LRRC15: variants seen among roughly 807,000 people sequenced by gnomAD.
LRRC15 encodes the protein leucine-rich repeat-containing protein 15.
A neutral mutation model predicts 4.3 loss-of-function variants in LRRC15; 5 were observed. The ratio of observed to expected loss-of-function variants is 1.16; its 90% confidence interval spans 0.61 to 2.44. LRRC15 has a LOEUF of 2.44. Among genes scored for constraint, LRRC15 ranks in the 30% most tolerant of loss-of-function variants. The pLI is 0.01. For synonymous variants in LRRC15, 337 were observed against 323.2 expected (o/e 1.04, Z -0.46); for missense variants, 769 against 747.0 (o/e 1.03, Z -0.34).
chr3:194,362,263 C>G (rs1401910981), intron 1 of LRRC15, among the ~76,000 whole-genome samples: 2 of 152,076 alleles, frequency 1.3e-5, no homozygotes, highest in East Asian at 1.9e-4. Flanking sequence ...CTTCAGCTCC[C>G]TCGTGTGTGA....
intron 1 of LRRC15, among the ~76,000 whole-genome samples, chr3:194,364,628 G>A (rs894863538): frequency 6.6e-6 from 1 of 152,194 alleles, no homozygotes; most frequent in African/African-American, 2.4e-5. Context: ...GGAAGGGCTT[G>A]TGCCAGGGAA....
At position 194,359,869 on chromosome 3, in the gene LRRC15, A is replaced by C. The variant is rs540133375; in HGVS notation, c.1175T>G (p.Met392Arg). The change falls in exon 2 of 2, where the codon ATG (methionine) becomes AGG (arginine). Residue 392 changes from methionine (M) to arginine (R), a missense_variant. Met to Arg is a moderately conservative substitution (Grantham distance 91, BLOSUM62 -1). Coordinates refer to ENST00000347624, the MANE Select transcript of LRRC15 (RefSeq NM_130830.5). ...GNIFANVNGL[M>R]AIQLQNNQLE... is the part of the protein sequence containing the mutation. ...CTGGTTGTTCTGCAGCTGGATGGCC[A>C]TGAGGCCATTGACGTTGGCGAAGAT... is the stretch of plus-strand genomic sequence containing the variant. The C allele has an allele frequency of 1.5e-5, 24 of 1,614,146 alleles. No individual in the cohort carries two copies. In the East Asian group the frequency reaches 4.9e-4, roughly 33 times the overall value.
Position 194,360,521 on chromosome 3 carries a change from G to A in LRRC15, c.523C>T (p.Leu175Phe). The change falls in exon 2 of 2, where the codon CTC becomes TTC. Residue 175 changes from leucine (L) to phenylalanine (F), a missense_variant. Leu to Phe is a conservative substitution (Grantham distance 22, BLOSUM62 0). Transcript: ENST00000347624. ...TTCTTGCCCAGATTGAGCTTCGTGA[G>A]TCCTACCAGGTGGTCGAAGGCTCCG... ...PDGAFDHLVG[L>F]TKLNLGKNSL... The A allele has an allele frequency of 6.2e-7, 1 of 1,614,188 alleles. No homozygotes were observed. Among genetic ancestry groups the A allele is most frequent in the East Asian group, 2.2e-5 (1 of 44,876 alleles).
rs752131232 is a variant in LRRC15 at position 194,359,938 on chromosome 3, T to C, written c.1106A>G (p.Asn369Ser). The change falls in exon 2 of 2, where the codon AAC (asparagine) becomes AGC (serine). Residue 369 changes from asparagine to serine, a missense_variant. By Grantham distance (46) the Asn-to-Ser change is conservative (BLOSUM62 1). Coordinates refer to ENST00000347624, the MANE Select transcript of LRRC15 (RefSeq NM_130830.5). The part of the protein sequence containing the change: ...NVFRMLANLQ[N>S]ISLQNNRLRQ... Reference sequence around the variant, plus strand: ...GAGGCGGTTGTTCTGCAGGGAGATGTTCTGCAGGTTGGCCAACATGCGGAA... The same window carrying C: ...GAGGCGGTTGTTCTGCAGGGAGATGCTCTGCAGGTTGGCCAACATGCGGAA... The C allele has an allele frequency of 1.3e-5, 21 of 1,614,082 alleles. No individual in the cohort carries two copies. Among genetic ancestry groups the C allele is most frequent in the Non-Finnish European group, 1.8e-5 (21 of 1,180,052 alleles).
In LRRC15 at chr3:194,360,053, A is replaced by C. The variant is rs749564699; in HGVS notation, c.991T>G (p.Phe331Val). The change falls in exon 2 of 2, where the codon TTC (phenylalanine) becomes GTC (valine). Residue 331 changes from phenylalanine to valine, a missense_variant. Coordinates refer to ENST00000347624, the MANE Select transcript of LRRC15 (RefSeq NM_130830.5). ...CCGTTGAAGGCACCCGGGGAGATGA[A>C]GCTGATCTGATTGCGGCTAAGAATC... ...VLILSRNQIS[F>V]ISPGAFNGLT... The C allele has an allele frequency of 6.2e-7, 1 of 1,614,230 alleles. No homozygotes were observed. The highest frequency in any genetic ancestry group is 8.5e-7 in the Non-Finnish European group (1 of 1,180,042).
intron 1 of LRRC15, among the ~76,000 whole-genome samples, chr3:194,365,420 C>T (rs544122296): frequency 9.8e-5 from 15 of 152,310 alleles, no homozygotes; most frequent in Admixed American, 9.1e-4. Context: ...TTAATACCAT[C>T]GTTCACATTC....
chr3:194,359,750 G>A lies in LRRC15; in HGVS notation c.1294C>T (p.Leu432Phe). 1 of 1,614,200 alleles carries A rather than the reference G, an allele frequency of 6.2e-7. No individual in the cohort carries two copies. The highest frequency in any genetic ancestry group is 1.3e-5 in the African/African-American group (1 of 75,060). ...DNPWRCDSDI[L>F]PLRNWLLLNQ... ...AGCAGGAGCCAGTTGCGGAGCGGAA[G>A]GATGTCTGAGTCACACCTCCAGGGA... is the stretch of plus-strand genomic sequence containing the variant. The change falls in exon 2 of 2, where the codon CTT (leucine) becomes TTT (phenylalanine). Residue 432 changes from leucine to phenylalanine, a missense_variant. Leu to Phe is a conservative substitution (Grantham distance 22, BLOSUM62 0). Coordinates refer to ENST00000347624, the MANE Select transcript of LRRC15 (RefSeq NM_130830.5).
In LRRC15 at chr3:194,365,806, G is replaced by A. The variant is rs191186673; in HGVS notation, c.-4+3855C>T. 9.8e-3 allele frequency among the ~76,000 whole-genome samples: 1,495 copies of A among 152,264 alleles called. 52 individuals carry two copies. Among genetic ancestry groups the A allele is most frequent in the Admixed American group, 0.065 (996 of 15,304 alleles). ...CCTGCCTCCAAGTTTCCCAGCCAGG[G>A]CAATCCCACTTAGTAATCAGCATGT... On this transcript the variant is annotated intron_variant, in intron 1 of 1. Coordinates refer to ENST00000347624, the MANE Select transcript of LRRC15 (RefSeq NM_130830.5).
At position 194,358,247 on chromosome 3, in the gene LRRC15, G is replaced by A. The variant is rs1233926181; in HGVS notation, c.*1051C>T. ...CCTCTGGGAAAAGCCCAGGATGGGG[G>A]ATATTTGTGATGCTCTGGGTCTGGG... On this transcript the variant is annotated 3_prime_UTR_variant, in exon 2 of 2. Coordinates refer to ENST00000347624, the MANE Select transcript of LRRC15 (RefSeq NM_130830.5). The A allele has an allele frequency of 6.6e-6, 1 of 152,264 alleles. No homozygotes were observed. Among genetic ancestry groups the A allele is most frequent in the Non-Finnish European group, 1.5e-5 (1 of 68,072 alleles). 9.4% of individuals were successfully genotyped at this position (152,264 alleles called of 1,614,324 possible).
rs1024664827 is a variant in LRRC15 at position 194,357,369 on chromosome 3, G to A, written c.*1929C>T. 3.3e-5 allele frequency: 5 copies of A among 152,076 alleles called. No homozygotes were observed. Among genetic ancestry groups the A allele is most frequent in the East Asian group, 1.9e-4 (1 of 5,194 alleles). The allele number at this position is 152,076 out of a possible 1,614,324, so 9.4% of individuals were successfully genotyped here. A position where few individuals can be genotyped will look rare whatever the true frequency, so the allele number is the denominator to read the frequency against. ...CCAAAGCACAGGTGTCTTGTGGAGC[G>A]GGGAGCTAATAAGAGCCGATCGGGA... On this transcript the variant is annotated 3_prime_UTR_variant, in exon 2 of 2. Coordinates refer to ENST00000347624, the MANE Select transcript of LRRC15 (RefSeq NM_130830.5).
rs753763721 is a variant in LRRC15, at chr3:194,360,747, G to A, written c.297C>T (p.Asn99=). ...LSRITPGAFR[N]LGSLRYLSLA... is the part of the protein sequence containing the mutation. ...GGCTGAGATAGCGCAGCGAGCCCAG[G>A]TTTCGGAAGGCCCCAGGCGTGATGC... Residue 99 remains asparagine (N), a synonymous_variant, in exon 2 of 2, where the codon AAC becomes AAT. Coordinates refer to ENST00000347624, the MANE Select transcript of LRRC15 (RefSeq NM_130830.5). 1.9e-6 allele frequency: 3 copies of A among 1,614,106 alleles called. No individual in the cohort carries two copies. In the African/African-American group the frequency reaches 4.0e-5, roughly 22 times the overall value.
Position 194,356,564 on chromosome 3 carries a change from T to C in LRRC15, c.*2734A>G, listed in dbSNP as rs1001136357. On this transcript the variant is annotated 3_prime_UTR_variant, in exon 2 of 2. Coordinates refer to ENST00000347624, the MANE Select transcript of LRRC15 (RefSeq NM_130830.5). ...GAGGCCAATGGCTCCATCCAACCAC[T>C]CTGATGGGAGAAAGGAAGAGGCAAG... The C allele has an allele frequency of 2.6e-5, 4 of 152,250 alleles. No individual in the cohort carries two copies. Among genetic ancestry groups the C allele is most frequent in the Admixed American group, 1.3e-4 (2 of 15,290 alleles). 9.4% of individuals were successfully genotyped at this position (152,250 alleles called of 1,614,324 possible). A position where few individuals can be genotyped will look rare whatever the true frequency, so the allele number is the denominator to read the frequency against.
intron 1 of LRRC15, among the ~76,000 whole-genome samples, chr3:194,365,942 G>A (rs1212498415): frequency 3.9e-5 from 6 of 152,194 alleles, no homozygotes; most frequent in East Asian, 1.9e-4. Flanking sequence ...ACCCAGAGAG[G>A]GGCTGTCTCT....
Position 194,363,284 on chromosome 3 carries a change from CCTG to C in LRRC15, c.-3-2241_-3-2239del, listed in dbSNP as rs1713687069. 7 of 665,044 alleles carry C rather than the reference CCTG, an allele frequency of 1.1e-5. No individual in the cohort carries two copies. The Admixed American group carries it at 1.8e-4, about 17-fold the overall frequency. 41.2% of individuals were successfully genotyped at this position (665,044 alleles called of 1,614,324 possible). On this transcript the variant is annotated intron_variant, in intron 1 of 1. Transcript: ENST00000347624. ...TGTTCACAGCCCATGGAAGCCCTGA[CCTG>C]CTATACTTTTACATTAAGAACTTGA...
In LRRC15 at chr3:194,359,484, G is replaced by A; in HGVS notation, c.1560C>T (p.Thr520=). 1 of 1,614,254 alleles carries A rather than the reference G, an allele frequency of 6.2e-7. No homozygotes were observed. Among genetic ancestry groups the A allele is most frequent in the East Asian group, 2.2e-5 (1 of 44,880 alleles). Residue 520 remains threonine, a synonymous_variant, in exon 2 of 2, where the codon ACC becomes ACT. Transcript: ENST00000347624. The part of the protein sequence containing the change: ...SPVEDYTDLT[T]IQVTDDRSVW... ...CGCTGCGGTCATCAGTGACCTGAAT[G>A]GTAGTCAGATCAGTGTAGTCTTCCA...
In LRRC15 at chr3:194,360,009, C is replaced by T; in HGVS notation, c.1035G>A (p.Glu345=). The T allele has an allele frequency of 6.2e-7, 1 of 1,614,224 alleles. No individual in the cohort carries two copies. The highest frequency in any genetic ancestry group is 1.1e-5 in the South Asian group (1 of 91,084). The change falls in exon 2 of 2, where the codon GAG becomes GAA. Residue 345 remains glutamate (E), a synonymous_variant. Transcript: ENST00000347624. ...GAFNGLTELR[E]LSLHTNALQD... ...GCAGTGCGTTGGTGTGGAGGGACAG[C>T]TCCCGAAGCTCCGTTAGCCCGTTGA...
Position 194,360,555 on chromosome 3 carries a change from G to T in LRRC15, c.489C>A (p.Tyr163Ter), listed in dbSNP as rs574688475. 1.2e-5 allele frequency: 20 copies of T among 1,614,194 alleles called. No homozygotes were observed. In the East Asian group the frequency reaches 4.2e-4, roughly 34 times the overall value. Residue 163 changes from tyrosine to a stop codon, truncating the protein, a stop_gained, in exon 2 of 2, where the codon TAC becomes TAA. Transcript: ENST00000347624. LOFTEE classifies it low-confidence loss of function (END_TRUNC). The part of the protein sequence containing the change: ...ELQLHGNHLE[Y>*]IPDGAFDHLV... ...GGTGGTCGAAGGCTCCGTCAGGGAT[G>T]TATTCCAGGTGGTTGCCGTGCAACT...
rs748689755 is a variant in LRRC15 at position 194,360,273 on chromosome 3, G to A, written c.771C>T (p.Ile257=). The A allele has an allele frequency of 6.2e-7, 1 of 1,614,204 alleles. No homozygotes were observed. Among genetic ancestry groups the A allele is most frequent in the Non-Finnish European group, 8.5e-7 (1 of 1,180,042 alleles). ...LQRLYLSNNH[I]SQLPPSVFMQ... is the part of the protein sequence containing the mutation. ...TGAAGACGCTGGGTGGCAGCTGGGA[G>A]ATGTGGTTGTTGGACAGGTAGAGTC... The change falls in exon 2 of 2, where the codon ATC becomes ATT. Residue 257 remains isoleucine (I), a synonymous_variant. Transcript: ENST00000347624.
In LRRC15 at chr3:194,359,624, G is replaced by C. The variant is rs1435724961; in HGVS notation, c.1420C>G (p.Pro474Ala). Residue 474 changes from proline to alanine, a missense_variant, in exon 2 of 2, where the codon CCA becomes GCA. Coordinates refer to ENST00000347624, the MANE Select transcript of LRRC15 (RefSeq NM_130830.5). The stretch of plus-strand genomic sequence containing the variant: ...GGCACCTCGGGGACATGGACGCTTG[G>C]AACAGCAACGTTGACATTGATGATA... ...LIIINVNVAV[P>A]SVHVPEVPSY... 1.2e-6 allele frequency: 2 copies of C among 1,613,814 alleles called. No homozygotes were observed. The highest frequency in any genetic ancestry group is 1.7e-6 in the Non-Finnish European group (2 of 1,179,928).
Sources: gnomAD v4.1 joint callset for allele counts (sites outside exome capture counted in the v4.1 genomes callset) on GRCh38, gnomAD v4.1.1 for gene constraint, MANE v1.5 for transcripts, NCBI Gene and HGNC (gene_info 2026-07-23, HGNC 2026-07-21) for gene names.